Variants in MYCBP2 observed in about 807,000 individuals in gnomAD.
MYCBP2 encodes MYC binding protein 2.
Under a neutral mutation model 525.3 loss-of-function variants are expected in MYCBP2, and 120 were observed. The ratio of observed to expected loss-of-function variants is 0.23; its 90% CI spans 0.20 to 0.27. The LOEUF (loss-of-function observed/expected upper bound fraction) is 0.27. MYCBP2 is among the 10% of genes least tolerant of loss of function. The pLI, the probability that MYCBP2 is intolerant of heterozygous loss-of-function variation, is 1.00. For missense variants in MYCBP2, 4,149 were observed against 5,657.1 expected, an observed-to-expected ratio of 0.73 and a Z score of 8.55; for synonymous variants, 1,894 against 1,955.8, an observed-to-expected ratio of 0.97 and a Z score of 0.83.
intron 56 of MYCBP2, among the ~76,000 whole-genome samples, chr13:77,097,031 A>C (rs2046361703): frequency 6.6e-6 from 1 of 152,310 alleles, no homozygotes; most frequent in South Asian, 2.1e-4. Context: ...TCTGAACAGG[A>C]AAATAGTAAA....
intron 37 of MYCBP2, among the ~76,000 whole-genome samples, chr13:77,172,167 G>A (rs923897676): frequency 1.1e-4 from 16 of 152,008 alleles, no homozygotes; most frequent in African/African-American, 3.9e-4. Context: ...CCAAAGTGCT[G>A]GGATTATAGG....
intron 7 of MYCBP2, among the ~76,000 whole-genome samples, chr13:77,269,087 T>C (rs1320782341): frequency 2.0e-5 from 3 of 152,210 alleles, no homozygotes; most frequent in Non-Finnish European, 4.4e-5. Flanking sequence ...TGTATCCATC[T>C]GGCTGCTGAC....
chr13:77,225,330 A>G, intron 19 of MYCBP2, 105 bp downstream of exon 19: 2 of 1,463,110 alleles, frequency 1.4e-6, no homozygotes, highest in Non-Finnish European at 9.4e-7. Flanking sequence ...GCCACGCTAC[A>G]GCTTTTAACA....
At chr13:77,210,629 T>C (rs1222080516) in intron 23 of MYCBP2, among the ~76,000 whole-genome samples, 1 of 152,240 alleles carries the variant, frequency 6.6e-6, no homozygotes, top group Non-Finnish European at 1.5e-5. Flanking sequence ...TATTTTTTAA[T>C]GCACATTCTT....
chr13:77,151,349 T>C (rs143501376), intron 46 of MYCBP2, among the ~76,000 whole-genome samples: 1 of 152,318 alleles, frequency 6.6e-6, no homozygotes, highest in African/African-American at 2.4e-5. Context: ...AAAGCACTAA[T>C]GTCAGTTTGA....
At chr13:77,198,876 G>T (rs947670219) in intron 26 of MYCBP2, among the ~76,000 whole-genome samples, 6 of 152,160 alleles carry the variant, frequency 3.9e-5, no homozygotes, top group Non-Finnish European at 7.4e-5. Flanking sequence ...AAAAGGCACT[G>T]GTATTGCTAG....
At position 77,097,442 on chromosome 13, in the gene MYCBP2, C is replaced by G. The variant is rs1286355782; in HGVS notation, c.9712G>C (p.Asp3238His). 6.2e-7 allele frequency: 1 copy of G among 1,613,612 alleles called. No individual in the cohort carries two copies. The highest frequency in any genetic ancestry group is 1.3e-5 in the African/African-American group (1 of 75,024). ...TCCCCACACAGTTCACAGATGGTATCTTTCTCTGGTCCTCCTACTGCCAGC... is the reference window on the plus strand; with the variant it reads ...TCCCCACACAGTTCACAGATGGTATGTTTCTCTGGTCCTCCTACTGCCAGC... ...AQLAVGGPEK[D>H]TICELCGESH... The change falls in exon 56 of 83, where the codon GAT becomes CAT. Residue 3238 changes from aspartate to histidine, a missense_variant. This residue lies in a region of MYCBP2 where 653 missense variants were observed against 744.7 expected (regional missense o/e 0.88). Transcript: ENST00000544440.
intron 55 of MYCBP2, among the ~76,000 whole-genome samples, chr13:77,120,560 C>T (rs769714311): frequency 9.2e-5 from 14 of 152,110 alleles, no homozygotes; most frequent in Admixed American, 7.2e-4. Flanking sequence ...ATTATTTCCA[C>T]GTAAGCTATC....
intron 52 of MYCBP2, among the ~76,000 whole-genome samples, chr13:77,135,510 G>C (rs1469286782): frequency 6.6e-6 from 1 of 152,164 alleles, no homozygotes; most frequent in Non-Finnish European, 1.5e-5. Context: ...TAAGGGGTCT[G>C]CCCTAGTCCC....
chr13:77,121,467 T>C lies in MYCBP2; in HGVS notation c.8046A>G (p.Gln2682=), dbSNP rs1190516138. ...DEQALLDQNS[Q]TPPPSPFSVQ... is the part of the protein sequence containing the mutation. ...CTGAGAAAGGGCTTGGAGGAGGAGT[T>C]TGAGAATTCTGATCCAGAAGAGCTT... The change falls in exon 55 of 83, where the codon CAA becomes CAG. Residue 2682 remains glutamine, a synonymous_variant. Transcript: ENST00000544440. 6.3e-6 allele frequency: 10 copies of C among 1,580,226 alleles called. No homozygotes were observed. The African/African-American group carries it at 1.2e-4, about 19-fold the overall frequency.
At chr13:77,164,424 C>T (rs1374249767) in intron 43 of MYCBP2, 30 bp downstream of exon 43, 5 of 1,463,002 alleles carry the variant, frequency 3.4e-6, no homozygotes, top group African/African-American at 2.8e-5. Flanking sequence ...AAAACCCTAT[C>T]AAAAAACATC....
At chr13:77,304,010 T>C (rs1440961345) in intron 1 of MYCBP2, among the ~76,000 whole-genome samples, 1 of 152,132 alleles carries the variant, frequency 6.6e-6, no homozygotes, top group African/African-American at 2.4e-5. Context: ...GTGGAGAAAG[T>C]AGAACTACAC....
At chr13:77,103,354 GA>G (rs1383059125) in intron 55 of MYCBP2, 11 of 396,506 alleles carry the variant, frequency 2.8e-5, no homozygotes, top group Admixed American at 4.4e-5. Context: ...AGATTCAATG[GA>G]AAAAAAATTT....
Position 77,045,101 on chromosome 13 carries a change from C to T in MYCBP2, c.*277G>A. On this transcript the variant is annotated 3_prime_UTR_variant, in exon 83 of 83. Transcript: ENST00000544440. ...TTTTATATCAATTATCTATAAATGT[C>T]CAATGCTTCACAGGCCAATGACGGT... The T allele has an allele frequency of 2.3e-6, 1 of 428,532 alleles. No individual in the cohort carries two copies. The highest frequency in any genetic ancestry group is 8.3e-5 in the South Asian group (1 of 11,986). The allele number at this position is 428,532 out of a possible 1,614,324, so 26.5% of individuals were successfully genotyped here.
At chr13:77,205,136 T>G (rs1771214150) in intron 26 of MYCBP2, 120 bp downstream of exon 26, 2 of 897,872 alleles carry the variant, frequency 2.2e-6, no homozygotes, top group Non-Finnish European at 1.5e-6. Context: ...AAAGAAGCAT[T>G]AAAAACAAAA....
At chr13:77,065,805 A>G (rs1344310458) in intron 72 of MYCBP2, among the ~76,000 whole-genome samples, 187 bp downstream of exon 72, 3 of 152,240 alleles carry the variant, frequency 2.0e-5, no homozygotes, top group Admixed American at 1.3e-4. Flanking sequence ...TTTGAAATGA[A>G]CATGGTTTAC....
intron 55 of MYCBP2, chr13:77,118,535 C>A (rs764872301): frequency 1.3e-6 from 1 of 761,230 alleles, no homozygotes; most frequent in South Asian, 1.4e-5. Context: ...ACTCGTTATT[C>A]ATTAACATCC....
intron 26 of MYCBP2, among the ~76,000 whole-genome samples, chr13:77,198,265 A>G (rs1332098704): frequency 6.6e-6 from 1 of 152,182 alleles, no homozygotes; most frequent in Non-Finnish European, 1.5e-5. Flanking sequence ...TAACTATAGG[A>G]GCTTTAAATT....
chr13:77,247,114 T>C (rs772305206), intron 15 of MYCBP2, among the ~76,000 whole-genome samples: 15 of 152,046 alleles, frequency 9.9e-5, no homozygotes, highest in South Asian at 2.1e-4. Flanking sequence ...GCCAGGGCAA[T>C]TGGACAGGAA....
Sources: allele counts gnomAD v4.1 joint callset (sites outside exome capture counted in the v4.1 genomes callset), GRCh38; gene constraint gnomAD v4.1.1; regional missense constraint gnomAD v4.1.1; transcripts MANE v1.5; gene names NCBI Gene and HGNC (gene_info 2026-07-23, HGNC 2026-07-21).